CNKSR2: variants seen among roughly 807,000 people sequenced by gnomAD.
The protein encoded by CNKSR2 is CNK homolog protein 2.
In CNKSR2, 14 loss-of-function variants were observed where a neutral mutation model predicts 84.4. That is an observed-to-expected ratio of 0.17 (90% CI 0.11 to 0.26). CNKSR2 has a LOEUF of 0.26. Among genes scored for constraint, CNKSR2 ranks in the 10% least tolerant of loss-of-function variants. The pLI, the probability that CNKSR2 is intolerant of heterozygous loss-of-function variation, is 1.00. For synonymous variants in CNKSR2, 275 were observed against 277.9 expected, an observed-to-expected ratio of 0.99 and a Z score of 0.10; for missense variants, 485 against 771.2, an observed-to-expected ratio of 0.63 and a Z score of 4.40.
rs184137095 is a variant in CNKSR2, at chrX:21,537,302, A to G, written c.1303+5235A>G. Among the ~76,000 whole-genome samples the G allele has an allele frequency of 3.1e-3, 347 of 111,659 alleles. 4 individuals are homozygous for G. The highest frequency in any genetic ancestry group is 0.011 in the African/African-American group (326 of 30,804). ...CCTAACGTATGGTCTATCCTGGAGAATGTTATTTGTACTGATGAGAAGAAT... is the reference window on the plus strand; with the variant it reads ...CCTAACGTATGGTCTATCCTGGAGAGTGTTATTTGTACTGATGAGAAGAAT... On this transcript the variant is annotated intron_variant, in intron 11 of 21. Coordinates refer to ENST00000379510, the MANE Select transcript of CNKSR2 (RefSeq NM_014927.5).
In CNKSR2 at chrX:21,597,922, C is replaced by A. The variant is rs769692461; in HGVS notation, c.1976+2527C>A. 4.6e-5 allele frequency among the ~76,000 whole-genome samples: 5 copies of A among 107,761 alleles called. No individual in the cohort carries two copies. In the East Asian group the frequency reaches 1.1e-3, roughly 25 times the overall value. The allele number at this position is 107,761 out of a possible 115,157, so 93.6% of individuals were successfully genotyped here. On this transcript the variant is annotated intron_variant, in intron 17 of 21. Coordinates refer to ENST00000379510, the MANE Select transcript of CNKSR2 (RefSeq NM_014927.5). ...TTTTCTGTTCCTCATTTAAAAAAAA[C>A]AAATGTAATGCTGGTGGTGACAGGA... is the stretch of plus-strand genomic sequence containing the variant.
intron 19 of CNKSR2, among the ~76,000 whole-genome samples, chrX:21,607,760 C>T (rs1313593698): frequency 2.7e-5 from 3 of 110,662 alleles, no homozygotes; most frequent in African/African-American, 9.9e-5. Flanking sequence ...TCCAAGATCA[C>T]ACCACTGCAC....
chrX:21,480,427 A>G (rs142866060), intron 5 of CNKSR2, among the ~76,000 whole-genome samples: 1 of 112,170 alleles, frequency 8.9e-6, no homozygotes, highest in East Asian at 2.8e-4. Context: ...ACATTTTTCT[A>G]ATAACCTACA....
intron 4 of CNKSR2, among the ~76,000 whole-genome samples, chrX:21,463,253 T>G (rs1174798855): frequency 1.8e-5 from 2 of 111,334 alleles, no homozygotes; most frequent in African/African-American, 6.5e-5. Context: ...TGAGGATTTT[T>G]ACATCAGTAT....
chrX:21,631,138 A>G (rs2092646362), intron 20 of CNKSR2, among the ~76,000 whole-genome samples: 1 of 110,657 alleles, frequency 9.0e-6, no homozygotes. Context: ...CCTGGGCAAC[A>G]TGGCAAAGCC....
intron 11 of CNKSR2, among the ~76,000 whole-genome samples, chrX:21,554,177 C>T (rs1291671863): frequency 9.0e-6 from 1 of 111,531 alleles, no homozygotes; most frequent in Non-Finnish European, 1.9e-5. Context: ...TATAATTAGC[C>T]TTGGAATTAG....
intron 20 of CNKSR2, chrX:21,641,955 A>G (rs2092693036): frequency 1.0e-5 from 8 of 770,209 alleles, no homozygotes; most frequent in Non-Finnish European, 1.2e-5. Context: ...CTGTGTGGTA[A>G]CACCTCAGTT....
chrX:21,506,504 A>C, intron 8 of CNKSR2: 1 of 111,768 alleles, frequency 8.9e-6, no homozygotes, highest in South Asian at 3.7e-4. Context: ...ATACGTATTG[A>C]TATAAACTGT....
Position 21,532,026 on chromosome X carries a change from G to A in CNKSR2, c.1262G>A (p.Arg421Lys). 1 of 1,204,398 alleles carries A rather than the reference G, an allele frequency of 8.3e-7. No individual in the cohort carries two copies. Among genetic ancestry groups the A allele is most frequent in the Non-Finnish European group, 1.1e-6 (1 of 889,985 alleles). The stretch of plus-strand genomic sequence containing the variant: ...TATTGCTATGAATATGAAAAAGGAA[G>A]ATCAAGTAGTCAAGGAAGACGAGAA... ...VLYCYEYEKG[R>K]SSSQGRREST... Residue 421 changes from arginine to lysine, a missense_variant, in exon 11 of 22, where the codon AGA (arginine) becomes AAA (lysine). Physicochemically the swap from Arg to Lys is conservative, Grantham distance 26. Transcript: ENST00000379510.
At position 21,652,655 on chromosome X, in the gene CNKSR2, T is replaced by A; in HGVS notation, c.*134T>A. 1 of 470,366 alleles carries A rather than the reference T, an allele frequency of 2.1e-6. No homozygotes were observed. The highest frequency in any genetic ancestry group is 3.6e-6 in the Non-Finnish European group (1 of 274,819). The allele number at this position is 470,366 out of a possible 1,213,427, so 38.8% of individuals were successfully genotyped here. A position where few individuals can be genotyped will look rare whatever the true frequency, so the allele number is the denominator to read the frequency against. The stretch of plus-strand genomic sequence containing the variant: ...ACCAAACTATATGAAACAAACCATA[T>A]ATGGTCACAATACCACTATCTTTAA... On this transcript the variant is annotated 3_prime_UTR_variant, in exon 22 of 22. Transcript: ENST00000379510.
chrX:21,576,058 A>G (rs187795755), intron 13 of CNKSR2, among the ~76,000 whole-genome samples: 15 of 112,376 alleles, frequency 1.3e-4, no homozygotes, highest in African/African-American at 4.5e-4. Flanking sequence ...CAGCAAGGGT[A>G]CAGAAGTACT....
Position 21,509,581 on chromosome X carries a change from A to AC in CNKSR2, c.811-6903dup, listed in dbSNP as rs201528996. On this transcript the variant is annotated intron_variant, in intron 8 of 21. Coordinates refer to ENST00000379510, the MANE Select transcript of CNKSR2 (RefSeq NM_014927.5). ...CACTTATTTGCATAGTTCCTTAACC[A>AC]CTGCATACACATTAGCTTATATTCC... Among the ~76,000 whole-genome samples, 795 of 111,986 alleles carry AC rather than the reference A, an allele frequency of 7.1e-3. 2 individuals carry two copies. Among genetic ancestry groups the AC allele is most frequent in the African/African-American group, 0.024 (753 of 30,954 alleles).
chrX:21,587,346 T>TA (rs1435723295), intron 13 of CNKSR2, among the ~76,000 whole-genome samples: 1 of 111,847 alleles, frequency 8.9e-6, no homozygotes, highest in African/African-American at 3.2e-5. Flanking sequence ...AGAATATACT[T>TA]ACTTGAGCAT....
chrX:21,472,249 T>C (rs962658066), intron 5 of CNKSR2, among the ~76,000 whole-genome samples: 3 of 112,303 alleles, frequency 2.7e-5, no homozygotes, highest in Non-Finnish European at 3.8e-5. Context: ...CATTGAATTT[T>C]CTATGACAAT....
At chrX:21,457,611 G>A (rs955559291) in intron 4 of CNKSR2, among the ~76,000 whole-genome samples, 2 of 111,388 alleles carry the variant, frequency 1.8e-5, no homozygotes, top group African/African-American at 3.3e-5. Flanking sequence ...AGCACATAAC[G>A]CATTTCAAAG....
At chrX:21,516,389 T>G in intron 8 of CNKSR2, 96 bp from the exon 9 acceptor site, 1 of 913,353 alleles carries the variant, frequency 1.1e-6, no homozygotes. Context: ...ACCAATTATG[T>G]GACTTTTTTT....
chrX:21,398,368 A>G (rs944702426), intron 1 of CNKSR2, among the ~76,000 whole-genome samples: 16 of 112,168 alleles, frequency 1.4e-4, no homozygotes, highest in Admixed American at 1.3e-3. Flanking sequence ...CTATAATGTC[A>G]TTGTATGATT....
chrX:21,585,065 A>G (rs2092377500), intron 13 of CNKSR2, among the ~76,000 whole-genome samples: 1 of 106,987 alleles, frequency 9.3e-6, no homozygotes, highest in East Asian at 3.0e-4. Flanking sequence ...CAACATGGTA[A>G]AACCCCATCT....
chrX:21,403,262 T>C (rs1194655428), intron 1 of CNKSR2, among the ~76,000 whole-genome samples: 1 of 111,439 alleles, frequency 9.0e-6, no homozygotes, highest in Non-Finnish European at 1.9e-5. Context: ...CCCTCAGTAT[T>C]CACAATCTTG....
Sources: allele counts gnomAD v4.1 joint callset (sites outside exome capture counted in the v4.1 genomes callset), GRCh38; gene constraint gnomAD v4.1.1; transcripts MANE v1.5; gene names NCBI Gene and HGNC (gene_info 2026-07-23, HGNC 2026-07-21).